The following NUP93 variants were observed in gnomAD, a reference collection of about 807,000 sequenced individuals.
NUP93 encodes the protein nucleoporin 93.
In NUP93, 55 loss-of-function variants were observed where a neutral mutation model predicts 107.8. The observed-to-expected ratio is 0.51, with a 90% CI of 0.41 to 0.64. The LOEUF (loss-of-function observed/expected upper bound fraction) is 0.64. NUP93 is among the 30% of genes least tolerant of loss of function. The pLI is 0.00. For synonymous variants in NUP93, 390 were observed against 397.5 expected (o/e 0.98, Z 0.22); for missense variants, 937 against 1,044.7 (o/e 0.90, Z 1.42).
chr16:56,825,390 A>T (rs1402467888), intron 8 of NUP93, among the ~76,000 whole-genome samples: 1 of 151,990 alleles, frequency 6.6e-6, no homozygotes, highest in Non-Finnish European at 1.5e-5. Flanking sequence ...TTTTTAGTAG[A>T]GATGGAGTTT....
chr16:56,746,569 A>G (rs1161703562), intron 1 of NUP93, among the ~76,000 whole-genome samples: 2 of 152,214 alleles, frequency 1.3e-5, no homozygotes, highest in Non-Finnish European at 2.9e-5. Flanking sequence ...CAGCTGAGCT[A>G]TTTTTAACCT....
At chr16:56,795,525 GCAAA>G (rs1962877507) in intron 3 of NUP93, among the ~76,000 whole-genome samples, 1 of 152,110 alleles carries the variant, frequency 6.6e-6, no homozygotes, top group Non-Finnish European at 1.5e-5. Flanking sequence ...ACATTATTAG[GCAAA>G]TGACCATGCC....
At position 56,748,001 on chromosome 16, in the gene NUP93, C is replaced by G. The variant is rs867478450; in HGVS notation, c.-14-233C>G. ...ATTTGTTCTGATGGCAGAAATCAAT[C>G]TTGGGGCTGTCAATATGCACAGAAA... is the stretch of plus-strand genomic sequence containing the variant. On this transcript the variant is annotated intron_variant, in intron 1 of 21. Coordinates refer to ENST00000308159, the MANE Select transcript of NUP93 (RefSeq NM_014669.5). 4.1e-4 allele frequency: 133 copies of G among 323,504 alleles called. No individual in the cohort carries two copies. The Middle Eastern group carries it at 5.0e-3, about 12-fold the overall frequency. The allele number at this position is 323,504 out of a possible 1,614,324, so 20.0% of individuals were successfully genotyped here. A position where few individuals can be genotyped will look rare whatever the true frequency, so the allele number is the denominator to read the frequency against.
chr16:56,794,544 T>C (rs1159015168), intron 3 of NUP93, among the ~76,000 whole-genome samples: 1 of 151,880 alleles, frequency 6.6e-6, no homozygotes, highest in African/African-American at 2.4e-5. Flanking sequence ...TCAACAAATG[T>C]GGTCATTGCT....
intron 3 of NUP93, among the ~76,000 whole-genome samples, chr16:56,769,446 C>T (rs573315949): frequency 2.8e-4 from 42 of 152,232 alleles, no homozygotes; most frequent in Admixed American, 1.0e-3. Context: ...GAGGGGCATT[C>T]AGTTTTACAG....
Position 56,828,967 on chromosome 16 carries a change from A to T in NUP93, c.795-10A>T, listed in dbSNP as rs750486102. 1.2e-6 allele frequency: 2 copies of T among 1,611,424 alleles called. No homozygotes were observed. Among genetic ancestry groups the T allele is most frequent in the East Asian group, 2.2e-5 (1 of 44,842 alleles). ...AGTCTTCCCTGTTTTTTCCTTTAAA[A>T]TTTTTCCAGTTATAAGAATTACACC... On this transcript the variant is annotated splice_polypyrimidine_tract_variant and intron_variant, in intron 8 of 21. Transcript: ENST00000308159.
rs138146748 is a variant in NUP93 at position 56,841,060 on chromosome 16, G to A, written c.2221-645G>A. On this transcript the variant is annotated intron_variant, in intron 20 of 21. Transcript: ENST00000308159. ...GTAAGGCCAGTTCTGCACATGAAGA[G>A]GGATGTTGACTGCTGTGGTACACAC... 2.1e-3 allele frequency among the ~76,000 whole-genome samples: 318 copies of A among 152,274 alleles called. 4 individuals are homozygous for A. Among genetic ancestry groups the A allele is most frequent in the East Asian group, 7.9e-3 (41 of 5,186 alleles).
intron 21 of NUP93, chr16:56,842,471 C>CAT: frequency 2.5e-6 from 1 of 394,924 alleles, no homozygotes; most frequent in Non-Finnish European, 4.9e-6. Context: ...GGGCTCACAG[C>CAT]ATATGTTGTC....
At chr16:56,809,869 T>A (rs1316384997) in intron 5 of NUP93, among the ~76,000 whole-genome samples, 2 of 152,336 alleles carry the variant, frequency 1.3e-5, no homozygotes, top group East Asian at 3.9e-4. Context: ...CTGAAATCAG[T>A]CTTTGGAAAC....
intron 5 of NUP93, among the ~76,000 whole-genome samples, chr16:56,806,255 T>C (rs1426197075): frequency 6.6e-6 from 1 of 151,788 alleles, no homozygotes; most frequent in Non-Finnish European, 1.5e-5. Flanking sequence ...CTTGCCCATC[T>C]GACACCCAGT....
At chr16:56,839,235 T>A in intron 19 of NUP93, 166 bp downstream of exon 19, 1 of 88,742 alleles carries the variant, frequency 1.1e-5, no homozygotes, top group East Asian at 4.9e-4. Flanking sequence ...CTGTGTGGCT[T>A]TTTTTTTTTT....
At chr16:56,758,386 A>C (rs964205331) in intron 2 of NUP93, 152 bp from the exon 3 acceptor site, 36 of 626,448 alleles carry the variant, frequency 5.7e-5, no homozygotes, top group Admixed American at 5.0e-5. Flanking sequence ...CTATGGAAAG[A>C]TATAAAACAA....
chr16:56,753,634 T>C (rs1427615850), intron 2 of NUP93, among the ~76,000 whole-genome samples: 2 of 152,204 alleles, frequency 1.3e-5, no homozygotes, highest in Non-Finnish European at 2.9e-5. Flanking sequence ...CTCTGTACTT[T>C]TGTCATCACA....
intron 3 of NUP93, among the ~76,000 whole-genome samples, chr16:56,790,256 T>C (rs191093834): frequency 2.1e-3 from 326 of 152,354 alleles, no homozygotes; most frequent in African/African-American, 7.4e-3. Context: ...ACGTTTTATA[T>C]ATTCTTATTT....
intron 2 of NUP93, among the ~76,000 whole-genome samples, chr16:56,756,147 T>C (rs1962014482): frequency 6.6e-6 from 1 of 152,062 alleles, no homozygotes; most frequent in Non-Finnish European, 1.5e-5. Context: ...AATATTTTAC[T>C]TTAAGTTCCG....
intron 1 of NUP93, among the ~76,000 whole-genome samples, chr16:56,747,570 A>G (rs1961841714): frequency 6.6e-6 from 1 of 151,944 alleles, no homozygotes; most frequent in African/African-American, 2.4e-5. Flanking sequence ...AAAAAAGAAG[A>G]ATTTCTTCTA....
At chr16:56,771,628 A>G (rs1371264153) in intron 3 of NUP93, among the ~76,000 whole-genome samples, 2 of 152,236 alleles carry the variant, frequency 1.3e-5, no homozygotes, top group East Asian at 1.9e-4. Flanking sequence ...AGAGATGGAA[A>G]TGCTACTTAG....
intron 13 of NUP93, 83 bp from the exon 14 acceptor site, chr16:56,834,045 G>C (rs1963857959): frequency 6.3e-7 from 1 of 1,582,794 alleles, no homozygotes; most frequent in Non-Finnish European, 8.6e-7. Flanking sequence ...TGCTGGGTCT[G>C]TGGATTCAGC....
rs573538960 is a variant in NUP93 at position 56,796,138 on chromosome 16, C to T, written c.298-2338C>T. ...ATATCCCCAATATTATCCTGCCTCC[C>T]GACCTGCCTCCCCCACCTTCTTAAA... On this transcript the variant is annotated intron_variant, in intron 3 of 21. Transcript: ENST00000308159. Among the ~76,000 whole-genome samples the T allele has an allele frequency of 7.2e-5, 11 of 152,242 alleles. No homozygotes were observed. The East Asian group carries it at 7.7e-4, about 11-fold the overall frequency.
Sources: allele counts gnomAD v4.1 joint callset (sites outside exome capture counted in the v4.1 genomes callset), GRCh38; gene constraint gnomAD v4.1.1; transcripts MANE v1.5; gene names NCBI Gene and HGNC (gene_info 2026-07-23, HGNC 2026-07-21).